EPHA4: variants seen among roughly 807,000 people sequenced by gnomAD.
The protein encoded by EPHA4 is EPH receptor A4, also known as ephrin type-A receptor 4.
EPHA4 carries 19 observed loss-of-function variants against 108.3 expected under a neutral mutation model. The observed-to-expected ratio is 0.18, with a 90% CI of 0.12 to 0.26. The LOEUF is 0.26. EPHA4 is among the 10% of genes least tolerant of loss of function. EPHA4 has a pLI of 1.00. For missense variants in EPHA4, 917 were observed against 1,254.0 expected, an observed-to-expected ratio of 0.73 and a Z score of 4.06; for synonymous variants, 449 against 455.5, an observed-to-expected ratio of 0.99 and a Z score of 0.18.
At chr2:221,430,621 C>G (rs1350467606) in intron 14 of EPHA4, among the ~76,000 whole-genome samples, 1 of 152,188 alleles carries the variant, frequency 6.6e-6, no homozygotes, top group East Asian at 1.9e-4. Context: ...CCTTTTAAGG[C>G]CCTGTCCTCT....
chr2:221,445,815 T>A (rs1381739595), intron 9 of EPHA4, among the ~76,000 whole-genome samples: 1 of 152,008 alleles, frequency 6.6e-6, no homozygotes, highest in Non-Finnish European at 1.5e-5. Flanking sequence ...TTAAAAAAAA[T>A]ACCCATTTAA....
chr2:221,507,387 C>T (rs574447571), intron 3 of EPHA4, among the ~76,000 whole-genome samples: 2 of 152,190 alleles, frequency 1.3e-5, no homozygotes, highest in East Asian at 3.9e-4. Context: ...ATGGTATGGC[C>T]TGATTTGGAA....
intron 4 of EPHA4, among the ~76,000 whole-genome samples, chr2:221,497,128 T>C (rs997477798): frequency 5.3e-5 from 8 of 152,042 alleles, no homozygotes; most frequent in Admixed American, 5.2e-4. Context: ...GGAGGCAGTT[T>C]GGGGAAGGAA....
intron 3 of EPHA4, among the ~76,000 whole-genome samples, chr2:221,505,395 A>G (rs1692598172): frequency 1.3e-5 from 2 of 151,978 alleles, no homozygotes; most frequent in South Asian, 4.2e-4. Context: ...GTGTGGCCTC[A>G]GCTCACTGCA....
At chr2:221,436,308 TA>T in intron 13 of EPHA4, 90 bp downstream of exon 13, 5 of 1,262,936 alleles carry the variant, frequency 4.0e-6, no homozygotes, top group Admixed American at 2.5e-5. Context: ...ACTTAAAAAA[TA>T]AAAAAATTAC....
At chr2:221,567,665 T>C (rs1694714863) in intron 2 of EPHA4, among the ~76,000 whole-genome samples, 1 of 152,216 alleles carries the variant, frequency 6.6e-6, no homozygotes, top group Non-Finnish European at 1.5e-5. Context: ...CATGATTATT[T>C]TCTTGCTTAG....
chr2:221,435,771 C>T (rs2106098186), intron 13 of EPHA4, among the ~76,000 whole-genome samples: 1 of 152,146 alleles, frequency 6.6e-6, no homozygotes, highest in Non-Finnish European at 1.5e-5. Context: ...AAAATGAAGG[C>T]CATTAGATAC....
intron 3 of EPHA4, 98 bp from the exon 4 acceptor site, chr2:221,501,270 G>T: frequency 3.7e-6 from 4 of 1,092,832 alleles, no homozygotes; most frequent in Non-Finnish European, 5.0e-6. Flanking sequence ...GAAGGGAGAC[G>T]TTCTTGCTAA....
chr2:221,541,496 G>A (rs1388533178), intron 3 of EPHA4, among the ~76,000 whole-genome samples: 1 of 152,178 alleles, frequency 6.6e-6, no homozygotes, highest in East Asian at 1.9e-4. Context: ...AGCCGAAGGT[G>A]CCAGTCCTAA....
At chr2:221,560,040 C>T (rs1172679255) in intron 3 of EPHA4, among the ~76,000 whole-genome samples, 1 of 152,134 alleles carries the variant, frequency 6.6e-6, no homozygotes. Flanking sequence ...TAGTTCTGTC[C>T]CCAAGGTCCT....
intron 13 of EPHA4, 47 bp from the exon 14 acceptor site, chr2:221,434,338 G>A (rs768909912): frequency 9.4e-6 from 15 of 1,591,548 alleles, no homozygotes; most frequent in Non-Finnish European, 1.2e-5. Context: ...CATCACTGAT[G>A]TGCCATTTTA....
At chr2:221,510,447 T>C (rs1282935012) in intron 3 of EPHA4, among the ~76,000 whole-genome samples, 1 of 152,226 alleles carries the variant, frequency 6.6e-6, no homozygotes, top group Non-Finnish European at 1.5e-5. Context: ...CTATCCTATT[T>C]TCTACGTTCC....
chr2:221,483,832 A>T (rs1265293405), intron 4 of EPHA4, among the ~76,000 whole-genome samples: 1 of 152,032 alleles, frequency 6.6e-6, no homozygotes, highest in Admixed American at 6.6e-5. Context: ...AAAAATTGTG[A>T]CACAAACTGC....
At chr2:221,522,149 G>C (rs1693183611) in intron 3 of EPHA4, among the ~76,000 whole-genome samples, 1 of 152,132 alleles carries the variant, frequency 6.6e-6, no homozygotes, top group Non-Finnish European at 1.5e-5. Flanking sequence ...TATAGACATT[G>C]CCAGTTATGC....
At chr2:221,452,952 T>C (rs1288579069) in intron 8 of EPHA4, among the ~76,000 whole-genome samples, 1 of 152,236 alleles carries the variant, frequency 6.6e-6, no homozygotes, top group Non-Finnish European at 1.5e-5. Context: ...TCATGTGTTT[T>C]TCCTTTCTTT....
chr2:221,563,218 C>T (rs1226834328), intron 3 of EPHA4, among the ~76,000 whole-genome samples: 3 of 152,146 alleles, frequency 2.0e-5, no homozygotes, highest in Non-Finnish European at 2.9e-5. Flanking sequence ...CACCGGTCCA[C>T]AAGGCAGAAA....
At chr2:221,530,811 T>G (rs1693491425) in intron 3 of EPHA4, among the ~76,000 whole-genome samples, 1 of 151,998 alleles carries the variant, frequency 6.6e-6, no homozygotes, top group African/African-American at 2.4e-5. Context: ...GCTTTTTCAG[T>G]CCAAAAATCA....
intron 16 of EPHA4, 79 bp from the exon 17 acceptor site, chr2:221,426,221 C>G: frequency 1.5e-6 from 2 of 1,324,870 alleles, no homozygotes; most frequent in Non-Finnish European, 2.2e-6. Flanking sequence ...CATGCAGACA[C>G]ACGTTTGAAT....
chr2:221,474,780 AG>A (rs1691608066), intron 5 of EPHA4, among the ~76,000 whole-genome samples: 1 of 152,104 alleles, frequency 6.6e-6, no homozygotes, highest in African/African-American at 2.4e-5. Flanking sequence ...TAAATTTCTT[AG>A]GGGTAAGGAA....
Sources: allele counts gnomAD v4.1 joint callset (sites outside exome capture counted in the v4.1 genomes callset), GRCh38; gene constraint gnomAD v4.1.1; transcripts MANE v1.5; gene names NCBI Gene and HGNC (gene_info 2026-07-23, HGNC 2026-07-21).